The following KIF26B variants were observed in gnomAD, a reference collection of about 807,000 sequenced individuals.
The protein encoded by KIF26B is kinesin-like protein KIF26B.
A neutral mutation model predicts 151.2 loss-of-function variants in KIF26B; 63 were observed. The ratio of observed to expected loss-of-function variants is 0.42; its 90% confidence interval spans 0.34 to 0.51. The LOEUF is 0.51. Ranked by LOEUF, KIF26B falls within the 20% of genes least tolerant of loss-of-function variation. KIF26B has a pLI of 0.07. For missense variants in KIF26B, 2,813 were observed against 2,913.6 expected (o/e 0.97, Z 0.79); for synonymous variants, 1,357 against 1,262.1 (o/e 1.08, Z -1.59).
chr1:245,443,199 GAGCTGTCATCTCCCTCACTGTTCACCTAC>G (rs1659156599), intron 4 of KIF26B, among the ~76,000 whole-genome samples: 1 of 145,630 alleles, frequency 6.9e-6, no homozygotes, highest in Non-Finnish European at 1.5e-5. Flanking sequence ...TGTTCACCTA[GAGCTGTCATCTCCCTCACTGTTCACCTAC>G]AGCGGTCATC....
intron 3 of KIF26B, among the ~76,000 whole-genome samples, chr1:245,372,974 G>T (rs1345382310): frequency 6.6e-6 from 1 of 152,174 alleles, no homozygotes; most frequent in Non-Finnish European, 1.5e-5. Context: ...AAGAAGGCGT[G>T]AAAATATTTT....
intron 3 of KIF26B, among the ~76,000 whole-genome samples, chr1:245,390,191 G>T (rs1441103461): frequency 1.8e-5 from 2 of 112,624 alleles, no homozygotes; most frequent in African/African-American, 3.1e-5. Flanking sequence ...TTTTTTTTAA[G>T]AAGTACAGTG....
chr1:245,571,335 G>A (rs747744255), intron 5 of KIF26B, among the ~76,000 whole-genome samples: 21 of 152,144 alleles, frequency 1.4e-4, no homozygotes, highest in Non-Finnish European at 2.1e-4. Flanking sequence ...CCAAATCAAC[G>A]CTGTTGATAG....
chr1:245,652,643 A>G (rs923725444), intron 10 of KIF26B, among the ~76,000 whole-genome samples: 1 of 152,332 alleles, frequency 6.6e-6, no homozygotes, highest in Admixed American at 6.5e-5. Context: ...GGGAGAAATG[A>G]CACCGTCTGG....
chr1:245,234,994 A>T (rs1190662090), intron 2 of KIF26B, among the ~76,000 whole-genome samples: 1 of 151,978 alleles, frequency 6.6e-6, no homozygotes, highest in Non-Finnish European at 1.5e-5. Flanking sequence ...CGTGGGAGAG[A>T]TCTGCTTCCC....
intron 2 of KIF26B, among the ~76,000 whole-genome samples, chr1:245,229,049 C>T (rs1669935976): frequency 6.6e-6 from 1 of 152,148 alleles, no homozygotes; most frequent in Admixed American, 6.5e-5. Context: ...TCACTGCAGC[C>T]TCCGCCTCCC....
intron 9 of KIF26B, among the ~76,000 whole-genome samples, chr1:245,637,590 T>C (rs1475090314): frequency 2.0e-5 from 3 of 152,082 alleles, no homozygotes; most frequent in East Asian, 3.9e-4. Context: ...TATTCGCCAA[T>C]GTCCTGTAGT....
chr1:245,350,766 G>A lies in KIF26B; in HGVS notation c.466-16068G>A, dbSNP rs140268648. ...GCAGGAGGAACCACCAGACCTGCCC[G>A]AGAGGGGACATCTCTTCTCTTTGGT... On this transcript the variant is annotated intron_variant, in intron 2 of 14. Transcript: ENST00000407071. 2.9e-3 allele frequency among the ~76,000 whole-genome samples: 443 copies of A among 152,268 alleles called. 2 individuals are homozygous for A. Among genetic ancestry groups the A allele is most frequent in the Non-Finnish European group, 1.0e-3 (69 of 68,006 alleles).
chr1:245,421,754 T>C (rs915267473), intron 4 of KIF26B, among the ~76,000 whole-genome samples: 3 of 151,918 alleles, frequency 2.0e-5, no homozygotes, highest in Non-Finnish European at 4.4e-5. Flanking sequence ...GAACATGAGT[T>C]CTCCTTAAAT....
At chr1:245,426,514 T>C (rs1658653281) in intron 4 of KIF26B, among the ~76,000 whole-genome samples, 1 of 152,174 alleles carries the variant, frequency 6.6e-6, no homozygotes, top group Admixed American at 6.5e-5. Flanking sequence ...CATCTCAATC[T>C]CTTGTGTGGT....
chr1:245,477,060 C>T lies in KIF26B; in HGVS notation c.1166+57315C>T, dbSNP rs773916895. 5.0e-4 allele frequency among the ~76,000 whole-genome samples: 76 copies of T among 151,732 alleles called. 3 individuals carry two copies. The highest frequency in any genetic ancestry group is 2.9e-4 in the Non-Finnish European group (20 of 67,830). ...TGATATTTCTAAGAGTGAGCCAGTA[C>T]GTTTCTGGCAAAATAAAGACTTTAG... On this transcript the variant is annotated intron_variant, in intron 4 of 14. Transcript: ENST00000407071.
intron 5 of KIF26B, among the ~76,000 whole-genome samples, chr1:245,593,126 C>A (rs1171598617): frequency 6.6e-6 from 1 of 152,140 alleles, no homozygotes; most frequent in Non-Finnish European, 1.5e-5. Flanking sequence ...GGAAATTTTA[C>A]CAGAAAAGTA....
At chr1:245,678,381 T>C (rs2044382188) in intron 10 of KIF26B, among the ~76,000 whole-genome samples, 1 of 152,094 alleles carries the variant, frequency 6.6e-6, no homozygotes, top group South Asian at 2.1e-4. Context: ...GCAGGTGAAG[T>C]GGGTAGAGCG....
At chr1:245,541,052 T>A in intron 5 of KIF26B, 102 bp downstream of exon 5, 1 of 972,116 alleles carries the variant, frequency 1.0e-6, no homozygotes, top group Non-Finnish European at 1.5e-6. Flanking sequence ...AAATAAGACG[T>A]TGCCAGGGAG....
At chr1:245,158,974 C>G (rs1668491990) in intron 2 of KIF26B, among the ~76,000 whole-genome samples, 1 of 152,004 alleles carries the variant, frequency 6.6e-6, no homozygotes, top group Admixed American at 6.5e-5. Context: ...CTCTGGTGTA[C>G]CATGGATGGA....
At chr1:245,157,760 T>G (rs1414553238) in intron 2 of KIF26B, among the ~76,000 whole-genome samples, 1 of 152,232 alleles carries the variant, frequency 6.6e-6, no homozygotes, top group Non-Finnish European at 1.5e-5. Context: ...TTTTGTAGTT[T>G]GATACATCTG....
chr1:245,308,229 G>C (rs1302286558), intron 2 of KIF26B, among the ~76,000 whole-genome samples: 1 of 152,208 alleles, frequency 6.6e-6, no homozygotes, highest in Non-Finnish European at 1.5e-5. Context: ...AATTCTGGGA[G>C]AGGGAGAGGC....
At chr1:245,480,780 TAAAAAAAA>T (rs57127912) in intron 4 of KIF26B, among the ~76,000 whole-genome samples, 1 of 143,408 alleles carries the variant, frequency 7.0e-6, no homozygotes, top group African/African-American at 2.5e-5. Flanking sequence ...TTTAAAATGT[TAAAAAAAA>T]AAAAAAAAGA....
chr1:245,700,764 A>G (rs1212536923), intron 14 of KIF26B, among the ~76,000 whole-genome samples: 2 of 152,224 alleles, frequency 1.3e-5, no homozygotes, highest in African/African-American at 4.8e-5. Flanking sequence ...AGGGCCTTTC[A>G]TCGAAGGCGC....
Sources: allele counts gnomAD v4.1 joint callset (sites outside exome capture counted in the v4.1 genomes callset), GRCh38; gene constraint gnomAD v4.1.1; transcripts MANE v1.5; gene names NCBI Gene and HGNC (gene_info 2026-07-23, HGNC 2026-07-21).